The following ADAMDEC1 variants were observed in gnomAD, a reference collection of about 807,000 sequenced individuals.
The protein encoded by ADAMDEC1 is ADAM DEC1.
ADAMDEC1 carries 62 observed loss-of-function variants against 60.4 expected under a neutral mutation model. That is an observed-to-expected ratio of 1.03 (90% CI 0.84 to 1.27). The LOEUF is 1.27. Among genes scored for constraint, ADAMDEC1 ranks in the 50% most tolerant of loss-of-function variants. The pLI is 0.00. For missense variants in ADAMDEC1, 595 were observed against 565.0 expected (o/e 1.05, Z -0.54); for synonymous variants, 210 against 195.1 (o/e 1.08, Z -0.64).
rs1817775279 is a variant in ADAMDEC1, at chr8:24,401,915, T to A, written c.1143T>A (p.Ser381Arg). ...SGSCVMNQYL[S>R]SKFPKDFSTS... ...TATTTGAGTTTTCTTCTGATTACAG[T>A]TCAAAATTCCCAAAGGATTTCAGTA... The change falls in exon 12 of 14, where the codon AGT (serine) becomes AGA (arginine). Residue 381 changes from serine to arginine, a missense_variant and splice_region_variant. By Grantham distance (110) the Ser-to-Arg change is moderately radical (BLOSUM62 -1). Coordinates refer to ENST00000256412, the MANE Select transcript of ADAMDEC1 (RefSeq NM_014479.3). 1.9e-6 allele frequency: 3 copies of A among 1,606,618 alleles called. No homozygotes were observed. Among genetic ancestry groups the A allele is most frequent in the Non-Finnish European group, 2.5e-6 (3 of 1,178,058 alleles).
chr8:24,389,933 C>T (rs1817394493), intron 1 of ADAMDEC1, among the ~76,000 whole-genome samples: 2 of 152,134 alleles, frequency 1.3e-5, no homozygotes, highest in South Asian at 2.1e-4. Flanking sequence ...CACCTCTAAT[C>T]CAGCATTCAC....
chr8:24,385,255 C>G (rs1451532620), intron 1 of ADAMDEC1, among the ~76,000 whole-genome samples: 3 of 152,106 alleles, frequency 2.0e-5, no homozygotes, highest in Non-Finnish European at 4.4e-5. Context: ...GTGCTAAACC[C>G]TATATTGAAA....
intron 1 of ADAMDEC1, among the ~76,000 whole-genome samples, chr8:24,388,681 C>T (rs1817359103): frequency 1.3e-5 from 2 of 152,232 alleles, no homozygotes; most frequent in Middle Eastern, 6.8e-3. Context: ...TAATCTTTAG[C>T]TTTAAGTACC....
chr8:24,402,215 C>A, intron 12 of ADAMDEC1, 123 bp downstream of exon 12: 2 of 888,536 alleles, frequency 2.3e-6, no homozygotes, highest in African/African-American at 1.7e-5. Context: ...GAGATTTGTG[C>A]TTGTGTTTTT....
intron 5 of ADAMDEC1, among the ~76,000 whole-genome samples, 195 bp from the exon 6 acceptor site, chr8:24,397,075 G>A (rs1195575548): frequency 6.6e-6 from 1 of 152,086 alleles, no homozygotes; most frequent in Non-Finnish European, 1.5e-5. Flanking sequence ...AATTCTCTTG[G>A]TAAATAAGTT....
In ADAMDEC1 at chr8:24,392,361, C is replaced by T. The variant is rs544795925; in HGVS notation, c.188C>T (p.Thr63Ile). The T allele has an allele frequency of 2.5e-6, 4 of 1,610,400 alleles. No individual in the cohort carries two copies. The highest frequency in any genetic ancestry group is 1.7e-5 in the Admixed American group (1 of 59,668). Residue 63 changes from threonine (T) to isoleucine (I), a missense_variant, in exon 2 of 14, where the codon ACA (threonine) becomes ATA (isoleucine). Thr to Ile is a moderately conservative substitution (Grantham distance 89, BLOSUM62 -1). Transcript: ENST00000256412. ...LHKREIKNNQ[T>I]EKHGKEERYE... is the part of the protein sequence containing the mutation. ...AAAAGAGAGATCAAGAACAACCAGA[C>T]AGAAAAGCATGGCAAAGAGGTAAGC...
intron 1 of ADAMDEC1, among the ~76,000 whole-genome samples, chr8:24,391,178 C>T (rs1025464660): frequency 6.6e-6 from 1 of 152,028 alleles, no homozygotes; most frequent in Admixed American, 6.6e-5. Context: ...TTTCATTTTC[C>T]GTATCAGCCA....
intron 2 of ADAMDEC1, among the ~76,000 whole-genome samples, chr8:24,392,904 T>A (rs1817486131): frequency 6.8e-6 from 1 of 148,138 alleles, no homozygotes; most frequent in Admixed American, 6.7e-5. Flanking sequence ...TTTTTTTTTT[T>A]TTTTTTTTAG....
In ADAMDEC1 at chr8:24,398,993, C is replaced by T. The variant is rs368922127; in HGVS notation, c.882C>T (p.His294=). The change falls in exon 9 of 14, where the codon CAC becomes CAT. Residue 294 remains histidine (H), a synonymous_variant. Transcript: ENST00000256412. ...STTFDNFLRW[H]SSNLGKKIHD... is the part of the protein sequence containing the mutation. The stretch of plus-strand genomic sequence containing the variant: ...CGTTTGACAACTTCCTGAGATGGCA[C>T]AGTTCTAACCTGGGGAAAAAGATCC... The T allele has an allele frequency of 1.2e-6, 2 of 1,613,620 alleles. No individual in the cohort carries two copies. The highest frequency in any genetic ancestry group is 3.3e-5 in the Admixed American group (2 of 59,966).
At chr8:24,389,656 C>T (rs1817387285) in intron 1 of ADAMDEC1, among the ~76,000 whole-genome samples, 2 of 152,176 alleles carry the variant, frequency 1.3e-5, no homozygotes, top group Admixed American at 1.3e-4. Flanking sequence ...AGGTCTTGCA[C>T]AATCTATTCA....
At chr8:24,388,990 G>A (rs2129357417) in intron 1 of ADAMDEC1, among the ~76,000 whole-genome samples, 1 of 152,250 alleles carries the variant, frequency 6.6e-6, no homozygotes, top group South Asian at 2.1e-4. Context: ...CTGTAGGTGA[G>A]GGGTGGTTCA....
Position 24,401,732 on chromosome 8 carries a change from C to T in ADAMDEC1, c.1143-183C>T, listed in dbSNP as rs80004748. 3.9e-3 allele frequency among the ~76,000 whole-genome samples: 599 copies of T among 152,248 alleles called. 8 individuals are homozygous for T. In the East Asian group the frequency reaches 0.061, roughly 16 times the overall value. On this transcript the variant is annotated intron_variant, in intron 11 of 13. Transcript: ENST00000256412. ...ATGTCCAAATACCATAGTATGCATG[C>T]TCTACCACCCACCACATTTAATACA...
intron 3 of ADAMDEC1, among the ~76,000 whole-genome samples, 172 bp from the exon 4 acceptor site, chr8:24,393,897 C>T (rs6983014): frequency 0.024 from 3,581 of 152,226 alleles, 136 homozygotes; most frequent in African/African-American, 0.083. Flanking sequence ...TAGGAAGAAC[C>T]AACTCTCTGA....
intron 6 of ADAMDEC1, 51 bp downstream of exon 6, chr8:24,397,507 A>G (rs753897663): frequency 5.0e-6 from 8 of 1,585,470 alleles, no homozygotes; most frequent in Non-Finnish European, 6.9e-6. Flanking sequence ...CTCAGCAAAG[A>G]TAGGCAATAT....
At position 24,398,868 on chromosome 8, in the gene ADAMDEC1, C is replaced by A. The variant is rs781029995; in HGVS notation, c.763-6C>A. The A allele has an allele frequency of 1.1e-5, 18 of 1,610,902 alleles. No homozygotes were observed. Among genetic ancestry groups the A allele is most frequent in the Non-Finnish European group, 1.4e-5 (17 of 1,179,116 alleles). ...ATTTTTATGAAGATAAATGCTCTTT[C>A]CACAGATATATAACACCATAGATGT... is the stretch of plus-strand genomic sequence containing the variant. On this transcript the variant is annotated splice_polypyrimidine_tract_variant and splice_region_variant and intron_variant, in intron 8 of 13. Transcript: ENST00000256412.
chr8:24,389,980 A>G (rs1817395738), intron 1 of ADAMDEC1: 1 of 311,640 alleles, frequency 3.2e-6, no homozygotes, highest in South Asian at 2.9e-5. Flanking sequence ...TCACCATAGT[A>G]CTTATCATCT....
At chr8:24,386,929 A>G (rs994802268) in intron 1 of ADAMDEC1, among the ~76,000 whole-genome samples, 4 of 152,114 alleles carry the variant, frequency 2.6e-5, no homozygotes, top group Admixed American at 6.6e-5. Context: ...TGCCAGGCCA[A>G]TTGATTCTGG....
intron 11 of ADAMDEC1, among the ~76,000 whole-genome samples, chr8:24,401,549 T>A (rs1817766066): frequency 6.6e-6 from 1 of 152,130 alleles, no homozygotes; most frequent in Non-Finnish European, 1.5e-5. Context: ...CCTTCACTGG[T>A]TCATTATTAT....
chr8:24,395,797 G>GT lies in ADAMDEC1; in HGVS notation c.440+2dup. 6.2e-7 allele frequency: 1 copy of GT among 1,610,156 alleles called. No homozygotes were observed. The highest frequency in any genetic ancestry group is 8.5e-7 in the Non-Finnish European group (1 of 1,177,046). On this transcript the variant is annotated splice_donor_variant, in intron 5 of 13. Coordinates refer to ENST00000256412, the MANE Select transcript of ADAMDEC1 (RefSeq NM_014479.3). LOFTEE classifies it high-confidence loss of function. ...GCATCAGTACTTGTGACGGGTTGAGGTAAGAACTACCATCAAAATTACTCA... is the reference window on the plus strand; with the variant it reads ...GCATCAGTACTTGTGACGGGTTGAGGTTAAGAACTACCATCAAAATTACTCA...
Sources: gnomAD v4.1 joint callset for allele counts (sites outside exome capture counted in the v4.1 genomes callset) on GRCh38, gnomAD v4.1.1 for gene constraint, MANE v1.5 for transcripts, NCBI Gene and HGNC (gene_info 2026-07-23, HGNC 2026-07-21) for gene names.